Variants in OPALIN observed in about 807,000 individuals in gnomAD.
OPALIN encodes transmembrane protein 10.
Under a neutral mutation model 17.8 loss-of-function variants are expected in OPALIN, and 15 were observed. The ratio of observed to expected loss-of-function variants is 0.84; its 90% CI spans 0.56 to 1.29. The LOEUF is 1.29. OPALIN is among the 50% of genes most tolerant of loss of function. The probability of loss-of-function intolerance (pLI) is 0.00; values close to 1 mark genes in which losing one functional copy is unlikely to be tolerated. For synonymous variants in OPALIN, 62 were observed against 63.8 expected, an observed-to-expected ratio of 0.97 and a Z score of 0.14; for missense variants, 170 against 176.0, an observed-to-expected ratio of 0.97 and a Z score of 0.19.
rs1304186255 is a variant in OPALIN, at chr10:96,343,715, T to G, written c.*2226A>C. On this transcript the variant is annotated 3_prime_UTR_variant, in exon 6 of 6. Transcript: ENST00000371172. ...TTAAGGTAATTAGATCCAGAGGACT[T>G]GGCACAAAACTGAGTTTCAAAAGGG... 6.6e-6 allele frequency: 1 copy of G among 152,230 alleles called. No homozygotes were observed. Among genetic ancestry groups the G allele is most frequent in the East Asian group, 1.9e-4 (1 of 5,204 alleles). 9.4% of individuals were successfully genotyped at this position (152,230 alleles called of 1,614,324 possible). A position where few individuals can be genotyped will look rare whatever the true frequency, so the allele number is the denominator to read the frequency against.
chr10:96,354,705 T>C (rs971056800), intron 2 of OPALIN, among the ~76,000 whole-genome samples: 2 of 150,562 alleles, frequency 1.3e-5, no homozygotes, highest in African/African-American at 5.0e-5. Context: ...GTTGTTGTTG[T>C]TTTCCTATTT....
chr10:96,347,604 T>C (rs1270979743), intron 5 of OPALIN, among the ~76,000 whole-genome samples: 1 of 151,880 alleles, frequency 6.6e-6, no homozygotes, highest in Admixed American at 6.6e-5. Flanking sequence ...CCCGAGTAGC[T>C]GGGATTACAG....
intron 4 of OPALIN, 118 bp downstream of exon 4, chr10:96,349,589 A>G (rs1845484637): frequency 1.0e-5 from 12 of 1,181,678 alleles, no homozygotes; most frequent in Non-Finnish European, 1.4e-5. Flanking sequence ...AACTTCCAGC[A>G]TCTTGTCCTC....
chr10:96,344,014 T>C lies in OPALIN; in HGVS notation c.*1927A>G, dbSNP rs1845203984. 1 of 152,216 alleles carries C rather than the reference T, an allele frequency of 6.6e-6. No homozygotes were observed. The highest frequency in any genetic ancestry group is 6.5e-5 in the Admixed American group (1 of 15,274). The allele number at this position is 152,216 out of a possible 1,614,324, so 9.4% of individuals were successfully genotyped here. A position where few individuals can be genotyped will look rare whatever the true frequency, so the allele number is the denominator to read the frequency against. On this transcript the variant is annotated 3_prime_UTR_variant, in exon 6 of 6. Coordinates refer to ENST00000371172, the MANE Select transcript of OPALIN (RefSeq NM_033207.5). ...GGAAGCCTCCTCATGGGAGTGAAAG[T>C]GAAAGCCTGTCCCAAGCTGGCTGAA...
intron 2 of OPALIN, among the ~76,000 whole-genome samples, chr10:96,353,916 G>A (rs1401160322): frequency 1.3e-5 from 2 of 152,226 alleles, no homozygotes; most frequent in East Asian, 3.9e-4. Context: ...AGGTGCCAAT[G>A]TATTCAGTTC....
rs1376319165 is a variant in OPALIN at position 96,353,442 on chromosome 10, C to T, written c.39+1813G>A. 2.5e-6 allele frequency: 4 copies of T among 1,613,220 alleles called. No homozygotes were observed. In the East Asian group the frequency reaches 6.7e-5, roughly 27 times the overall value. Reference sequence around the variant, plus strand: ...GAAATGTGACTTCCAGGCAGGATGACCTACCATCCGCATTGTCCAGAGAGC... The same window carrying T: ...GAAATGTGACTTCCAGGCAGGATGATCTACCATCCGCATTGTCCAGAGAGC... On this transcript the variant is annotated intron_variant, in intron 2 of 5. Coordinates refer to ENST00000371172, the MANE Select transcript of OPALIN (RefSeq NM_033207.5).
rs1655349806 is a variant in OPALIN, at chr10:96,345,350, C to T, written c.*591G>A. 6.6e-6 allele frequency: 1 copy of T among 152,194 alleles called. No individual in the cohort carries two copies. Among genetic ancestry groups the T allele is most frequent in the South Asian group, 2.1e-4 (1 of 4,830 alleles). 9.4% of individuals were successfully genotyped at this position (152,194 alleles called of 1,614,324 possible). A position where few individuals can be genotyped will look rare whatever the true frequency, so the allele number is the denominator to read the frequency against. On this transcript the variant is annotated 3_prime_UTR_variant, in exon 6 of 6. Transcript: ENST00000371172. ...GTTAAACAACTTCTCCAAAGTCGTA[C>T]AGCTGCTCAGTGGTAGGTGTGACTT...
In OPALIN at chr10:96,345,865, T is replaced by C. The variant is rs3814224; in HGVS notation, c.*76A>G. Reference sequence around the variant, plus strand: ...TTGATTAAGAAGCAGCTTGGCATCTTTCCTCTCCAAGTACAAAACCCTGGG... The same window carrying C: ...TTGATTAAGAAGCAGCTTGGCATCTCTCCTCTCCAAGTACAAAACCCTGGG... On this transcript the variant is annotated 3_prime_UTR_variant, in exon 6 of 6. Coordinates refer to ENST00000371172, the MANE Select transcript of OPALIN (RefSeq NM_033207.5). 241,950 of 1,427,566 alleles carry C rather than the reference T, an allele frequency of 0.17. 24,841 individuals carry two copies. Among genetic ancestry groups the C allele is most frequent in the East Asian group, 0.49 (21,292 of 43,672 alleles). 88.4% of individuals were successfully genotyped at this position (1,427,566 alleles called of 1,614,324 possible). A position where few individuals can be genotyped will look rare whatever the true frequency, so the allele number is the denominator to read the frequency against.
chr10:96,357,549 T>C (rs1564888002), intron 1 of OPALIN, among the ~76,000 whole-genome samples: 3 of 152,160 alleles, frequency 2.0e-5, no homozygotes, highest in Middle Eastern at 3.4e-3. Context: ...TCAAACCCTC[T>C]GGTCTCCATT....
chr10:96,354,277 T>C (rs534466847), intron 2 of OPALIN, among the ~76,000 whole-genome samples: 2 of 152,204 alleles, frequency 1.3e-5, no homozygotes, highest in South Asian at 2.1e-4. Flanking sequence ...ACATCGACAA[T>C]TGAAAACCTC....
rs1845255113 is a variant in OPALIN, at chr10:96,345,070, C to T, written c.*871G>A. 1 of 152,136 alleles carries T rather than the reference C, an allele frequency of 6.6e-6. No homozygotes were observed. Among genetic ancestry groups the T allele is most frequent in the African/African-American group, 2.4e-5 (1 of 41,418 alleles). 9.4% of individuals were successfully genotyped at this position (152,136 alleles called of 1,614,324 possible). ...TTAGATAACAATTTGGATCATAGGC[C>T]ATGGAGAAAGTTTGTCCTAAATGTT... On this transcript the variant is annotated 3_prime_UTR_variant, in exon 6 of 6. Coordinates refer to ENST00000371172, the MANE Select transcript of OPALIN (RefSeq NM_033207.5).
At chr10:96,353,123 A>ACC (rs111656837) in intron 2 of OPALIN, among the ~76,000 whole-genome samples, 3 of 151,984 alleles carry the variant, frequency 2.0e-5, no homozygotes, top group African/African-American at 7.3e-5. Flanking sequence ...CCTAGGTGAC[A>ACC]CCCCCCCGGG....
intron 1 of OPALIN, 21 bp downstream of exon 1, chr10:96,358,873 G>A (rs1278984575): frequency 2.5e-6 from 4 of 1,613,672 alleles, no homozygotes; most frequent in Non-Finnish European, 3.4e-6. Context: ...CGATTGAGAA[G>A]AGATGCCAGC....
intron 2 of OPALIN, among the ~76,000 whole-genome samples, chr10:96,353,123 A>AC (rs111656837): frequency 0.022 from 3,364 of 152,088 alleles, 145 homozygotes; most frequent in African/African-American, 0.074. Context: ...CCTAGGTGAC[A>AC]CCCCCCCGGG....
intron 1 of OPALIN, among the ~76,000 whole-genome samples, chr10:96,357,983 G>T (rs1329034295): frequency 6.6e-6 from 1 of 151,902 alleles, no homozygotes; most frequent in Non-Finnish European, 1.5e-5. Context: ...AAAACTTACT[G>T]CTGTTGAAGG....
chr10:96,355,096 CAAAAAAAAAAAAAAAAAAAAA>C (rs56995726), intron 2 of OPALIN, among the ~76,000 whole-genome samples, 138 bp downstream of exon 2: 768 of 45,230 alleles, frequency 0.017, 26 homozygotes, highest in African/African-American at 0.064. Flanking sequence ...GACCTTGTCT[CAAAAAAAAAAAAAAAAAAAAA>C]AAAAAAAAAA....
At chr10:96,357,304 C>T (rs10748672) in intron 1 of OPALIN, 182,340 of 248,642 alleles carry the variant, frequency 0.73, 67,735 homozygotes, top group East Asian at 0.92. Flanking sequence ...TATCAACATT[C>T]GGATGACGGA....
intron 1 of OPALIN, among the ~76,000 whole-genome samples, chr10:96,357,766 G>A (rs1425568722): frequency 6.6e-6 from 1 of 152,204 alleles, no homozygotes; most frequent in African/African-American, 2.4e-5. Context: ...CTAAGGATAG[G>A]AAAGTTCTTG....
At chr10:96,358,387 A>T (rs533435105) in intron 1 of OPALIN, among the ~76,000 whole-genome samples, 1 of 152,280 alleles carries the variant, frequency 6.6e-6, no homozygotes, top group South Asian at 2.1e-4. Context: ...CAGTCCCTTT[A>T]TCCATTCATC....
Sources: gnomAD v4.1 joint callset for allele counts (sites outside exome capture counted in the v4.1 genomes callset) on GRCh38, gnomAD v4.1.1 for gene constraint, MANE v1.5 for transcripts, NCBI Gene and HGNC (gene_info 2026-07-23, HGNC 2026-07-21) for gene names.